ADAM7: variants seen among roughly 807,000 people sequenced by gnomAD.
ADAM7 encodes the protein disintegrin and metalloproteinase domain-containing protein 7.
Under a neutral mutation model 102.9 loss-of-function variants are expected in ADAM7, and 97 were observed. The observed-to-expected ratio is 0.94, with a 90% CI of 0.80 to 1.12. The LOEUF is 1.12. ADAM7 is among the 50% of genes most tolerant of loss of function. The pLI is 0.00. For synonymous variants in ADAM7, 334 were observed against 304.4 expected, an observed-to-expected ratio of 1.10 and a Z score of -1.01; for missense variants, 991 against 908.7, an observed-to-expected ratio of 1.09 and a Z score of -1.16.
At chr8:24,494,358 A>C (rs1012670367) in intron 16 of ADAM7, among the ~76,000 whole-genome samples, 1 of 152,248 alleles carries the variant, frequency 6.6e-6, no homozygotes, top group Non-Finnish European at 1.5e-5. Flanking sequence ...CAAGCTAAAA[A>C]ATTCAAAGGT....
chr8:24,451,536 C>G (rs534512013), intron 3 of ADAM7, among the ~76,000 whole-genome samples: 1 of 152,210 alleles, frequency 6.6e-6, no homozygotes, highest in East Asian at 1.9e-4. Flanking sequence ...TGATTCTTCT[C>G]TCGTTTCTTC....
At chr8:24,481,605 A>G (rs1231270779) in intron 8 of ADAM7, among the ~76,000 whole-genome samples, 1 of 152,218 alleles carries the variant, frequency 6.6e-6, no homozygotes, top group Non-Finnish European at 1.5e-5. Context: ...TATAGGCTAC[A>G]ACTATTTCTG....
At chr8:24,443,926 T>C (rs1460567832) in intron 2 of ADAM7, among the ~76,000 whole-genome samples, 1 of 144,014 alleles carries the variant, frequency 6.9e-6, no homozygotes, top group South Asian at 2.2e-4. Context: ...AGAGCAAGAC[T>C]CTCTCAAAAA....
Position 24,508,735 on chromosome 8 carries a change from C to G in ADAM7, c.*189C>G, listed in dbSNP as rs558543542. 17 of 1,417,408 alleles carry G rather than the reference C, an allele frequency of 1.2e-5. No homozygotes were observed. The highest frequency in any genetic ancestry group is 1.5e-5 in the Non-Finnish European group (16 of 1,083,520). The allele number at this position is 1,417,408 out of a possible 1,614,324, so 87.8% of individuals were successfully genotyped here. A position where few individuals can be genotyped will look rare whatever the true frequency, so the allele number is the denominator to read the frequency against. On this transcript the variant is annotated 3_prime_UTR_variant, in exon 22 of 22. Transcript: ENST00000175238. ...TTAATATTTACCGGTAGAATTCACA[C>G]CCTCTATCATAAACATATGCTGCAG...
chr8:24,498,041 C>T (rs1000647543), intron 16 of ADAM7, among the ~76,000 whole-genome samples: 2 of 151,698 alleles, frequency 1.3e-5, no homozygotes, highest in Admixed American at 6.6e-5. Flanking sequence ...ATAGACTGCA[C>T]CTATTTTTTG....
chr8:24,492,149 T>A, intron 14 of ADAM7, 51 bp downstream of exon 14: 2 of 1,541,548 alleles, frequency 1.3e-6, no homozygotes, highest in Non-Finnish European at 1.8e-6. Context: ...CCTCTATTTC[T>A]CTGTTATTGC....
At chr8:24,496,916 G>T (rs549344814) in intron 16 of ADAM7, among the ~76,000 whole-genome samples, 1 of 152,158 alleles carries the variant, frequency 6.6e-6, no homozygotes, top group African/African-American at 2.4e-5. Context: ...AGGCATGATT[G>T]GTTTTAAAAT....
intron 16 of ADAM7, 122 bp downstream of exon 16, chr8:24,493,351 AT>A (rs1422187512): frequency 9.3e-6 from 8 of 863,498 alleles, no homozygotes; most frequent in African/African-American, 1.8e-5. Context: ...ATTGACAAGT[AT>A]TTTTTTAATG....
At chr8:24,502,538 C>G (rs540996543) in intron 20 of ADAM7, among the ~76,000 whole-genome samples, 32 of 151,800 alleles carry the variant, frequency 2.1e-4, no homozygotes, top group Non-Finnish European at 3.1e-4. Flanking sequence ...TTATTAACAT[C>G]AAGAATCAGA....
At chr8:24,502,421 G>C (rs1286197114) in intron 20 of ADAM7, among the ~76,000 whole-genome samples, 1 of 151,870 alleles carries the variant, frequency 6.6e-6, no homozygotes, top group Non-Finnish European at 1.5e-5. Context: ...GTAAATATCA[G>C]ATTGATCACT....
chr8:24,464,710 C>T (rs1783204586), intron 4 of ADAM7, among the ~76,000 whole-genome samples: 1 of 152,144 alleles, frequency 6.6e-6, no homozygotes, highest in Non-Finnish European at 1.5e-5. Flanking sequence ...AAGCGATTCT[C>T]CTGCCTCAGC....
At chr8:24,465,880 T>TA (rs1819407897) in intron 5 of ADAM7, 105 bp downstream of exon 5, 9 of 783,494 alleles carry the variant, frequency 1.1e-5, no homozygotes, top group Non-Finnish European at 1.7e-5. Flanking sequence ...ATAGAAAAAT[T>TA]AATGAGAAAA....
rs2129389444 is a variant in ADAM7 at position 24,485,306 on chromosome 8, G to A, written c.905G>A (p.Gly302Glu). The A allele has an allele frequency of 6.2e-7, 1 of 1,613,468 alleles. No homozygotes were observed. The highest frequency in any genetic ancestry group is 2.2e-5 in the East Asian group (1 of 44,836). ...SGKWLYSHVQ[G>E]ISYPGGMCLP... ...AAGTGGCTCTACTCACATGTGCAAG[G>A]AATTTCTTATCCAGGGGGTATGTGC... The change falls in exon 10 of 22, where the codon GGA (glycine) becomes GAA (glutamate). Residue 302 changes from glycine (G) to glutamate (E), a missense_variant. Gly to Glu is a moderately conservative substitution (Grantham distance 98). Coordinates refer to ENST00000175238, the MANE Select transcript of ADAM7 (RefSeq NM_003817.4).
chr8:24,451,781 G>C (rs1462047164), intron 3 of ADAM7, among the ~76,000 whole-genome samples: 1 of 149,864 alleles, frequency 6.7e-6, no homozygotes, highest in African/African-American at 2.5e-5. Flanking sequence ...TCTCTTGTGG[G>C]CATTTAGTGC....
chr8:24,489,005 G>T (rs1820242738), intron 11 of ADAM7, among the ~76,000 whole-genome samples, 154 bp from the exon 12 acceptor site: 4 of 152,062 alleles, frequency 2.6e-5, no homozygotes, highest in Admixed American at 2.6e-4. Flanking sequence ...GTTTTGAAAA[G>T]ATATTTTCTA....
intron 3 of ADAM7, among the ~76,000 whole-genome samples, chr8:24,461,590 AT>A (rs368240586): frequency 1.3e-5 from 2 of 148,828 alleles, no homozygotes; most frequent in African/African-American, 2.5e-5. Context: ...CTACTTTTCC[AT>A]TTTTTTTTCT....
chr8:24,466,254 C>A (rs1298016846), intron 5 of ADAM7, among the ~76,000 whole-genome samples: 2 of 152,162 alleles, frequency 1.3e-5, no homozygotes, highest in East Asian at 3.9e-4. Flanking sequence ...AGAAGTAAAG[C>A]CTATAGTTCT....
chr8:24,500,731 A>G, intron 18 of ADAM7, 59 bp from the exon 19 acceptor site: 3 of 1,370,584 alleles, frequency 2.2e-6, no homozygotes, highest in Non-Finnish European at 3.1e-6. Flanking sequence ...TTAAATGTTA[A>G]TATTCCACTG....
intron 6 of ADAM7, 109 bp from the exon 7 acceptor site, chr8:24,468,658 C>A (rs1009224692): frequency 1.1e-6 from 1 of 882,710 alleles, no homozygotes; most frequent in Non-Finnish European, 1.8e-6. Context: ...CATTTTGTAT[C>A]AATATCAACA....
Sources: gnomAD v4.1 joint callset for allele counts (sites outside exome capture counted in the v4.1 genomes callset) on GRCh38, gnomAD v4.1.1 for gene constraint, MANE v1.5 for transcripts, NCBI Gene and HGNC (gene_info 2026-07-23, HGNC 2026-07-21) for gene names.